The following OR14I1 variants were observed in gnomAD, a reference collection of about 807,000 sequenced individuals.
OR14I1 encodes the protein olfactory receptor family 14 subfamily I member 1, also known as olfactory receptor 14I1.
For missense variants in OR14I1, 279 were observed against 181.8 expected, an observed-to-expected ratio of 1.53 and a Z score of -3.07; for synonymous variants, 118 against 71.1, an observed-to-expected ratio of 1.66 and a Z score of -3.32.
chr1:248,694,872 T>C, the OR14I1 span, among the ~76,000 whole-genome samples: 7 of 152,258 alleles, frequency 4.6e-5, no homozygotes, highest in Non-Finnish European at 1.0e-4. Flanking sequence ...CATTCATCAT[T>C]ACCTTCTGCA....
the OR14I1 span, chr1:248,699,054 C>G: frequency 6.6e-6 from 1 of 152,190 alleles, no homozygotes; most frequent in East Asian, 1.9e-4. Context: ...CTTCATGGAG[C>G]TCTGGCAAGA....
At chr1:248,684,757 C>CATATATATATATATATATATATATAT (rs376621560), upstream of OR14I1, among the ~76,000 whole-genome samples, 286 of 144,926 alleles carry the variant, frequency 2.0e-3, 5 homozygotes, top group African/African-American at 7.3e-3. Context: ...CACACACATA[C>CATATATATATATATATATATATATAT]ATATATATAT....
At chr1:248,700,297 G>A in the OR14I1 span, among the ~76,000 whole-genome samples, 18 of 152,314 alleles carry the variant, frequency 1.2e-4, no homozygotes, top group East Asian at 3.1e-3. Flanking sequence ...TACCCAAAGT[G>A]AAAGACCTCC....
the OR14I1 span, among the ~76,000 whole-genome samples, chr1:248,702,704 T>C: frequency 6.6e-6 from 1 of 151,472 alleles, no homozygotes; most frequent in Non-Finnish European, 1.5e-5. Flanking sequence ...GTCACCCACC[T>C]CACTCAGAGC....
the OR14I1 span, among the ~76,000 whole-genome samples, chr1:248,698,083 C>G: frequency 6.6e-6 from 1 of 152,180 alleles, no homozygotes; most frequent in East Asian, 1.9e-4. Flanking sequence ...TCTTTACCTG[C>G]TCACTTCCTC....
At chr1:248,678,416 C>T (rs905496625), downstream of OR14I1, among the ~76,000 whole-genome samples, 1 of 152,142 alleles carries the variant, frequency 6.6e-6, no homozygotes, top group Admixed American at 6.5e-5. Context: ...AAATCATGTG[C>T]AATGTTTTCT....
At chr1:248,700,141 T>G in the OR14I1 span, among the ~76,000 whole-genome samples, 2 of 152,224 alleles carry the variant, frequency 1.3e-5, no homozygotes, top group East Asian at 3.8e-4. Context: ...GAAATTCAGA[T>G]TCAGCTGATT....
chr1:248,680,992 G>GTGTGTGTGTA, downstream of OR14I1, among the ~76,000 whole-genome samples: 1 of 151,346 alleles, frequency 6.6e-6, no homozygotes, highest in Non-Finnish European at 1.5e-5. Flanking sequence ...GTGTGTGTGT[G>GTGTGTGTGTA]TGTATGTGTG....
the OR14I1 span, among the ~76,000 whole-genome samples, chr1:248,687,794 T>TG: frequency 1.3e-5 from 2 of 152,218 alleles, no homozygotes; most frequent in Non-Finnish European, 2.9e-5. Context: ...TGTTTGAACA[T>TG]GGTGTTATTT....
downstream of OR14I1, among the ~76,000 whole-genome samples, chr1:248,679,410 A>G (rs1378977460): frequency 6.6e-6 from 1 of 151,580 alleles, no homozygotes; most frequent in East Asian, 1.9e-4. Context: ...ATATTGTAAT[A>G]TATATTAGTA....
At chr1:248,691,865 C>T in the OR14I1 span, 1 of 152,314 alleles carries the variant, frequency 6.6e-6, no homozygotes, top group South Asian at 2.1e-4. Flanking sequence ...CCCGCGGGCC[C>T]ACAGCGCGCT....
the OR14I1 span, chr1:248,692,242 C>G: frequency 6.5e-6 from 1 of 152,674 alleles, no homozygotes; most frequent in Non-Finnish European, 1.5e-5. Context: ...TTGGGGTCCT[C>G]CCGCATTTCC....
the OR14I1 span, among the ~76,000 whole-genome samples, chr1:248,702,154 T>C: frequency 1.3e-5 from 2 of 152,124 alleles, no homozygotes; most frequent in South Asian, 2.1e-4. Flanking sequence ...CCTCCTCACA[T>C]TGAAAAATAC....
chr1:248,696,786 T>G, the OR14I1 span, among the ~76,000 whole-genome samples: 2 of 152,222 alleles, frequency 1.3e-5, no homozygotes, highest in Admixed American at 6.5e-5. Context: ...CATATCATAT[T>G]TTTTTCTTCT....
chr1:248,700,747 G>A, the OR14I1 span, among the ~76,000 whole-genome samples: 1 of 152,124 alleles, frequency 6.6e-6, no homozygotes, highest in Non-Finnish European at 1.5e-5. Context: ...AAAGTGTCAT[G>A]GATAGAGTTT....
At chr1:248,700,661 C>T in the OR14I1 span, among the ~76,000 whole-genome samples, 16 of 152,278 alleles carry the variant, frequency 1.1e-4, no homozygotes, top group East Asian at 3.1e-3. Context: ...AATTTTTAAA[C>T]AAGAGGCAAA....
chr1:248,679,489 A>G (rs1661524667), downstream of OR14I1, among the ~76,000 whole-genome samples: 1 of 152,050 alleles, frequency 6.6e-6, no homozygotes, highest in Non-Finnish European at 1.5e-5. Flanking sequence ...ATACTACTTA[A>G]TATTAAAAGG....
the OR14I1 span, among the ~76,000 whole-genome samples, chr1:248,695,273 G>A: frequency 3.1e-5 from 4 of 130,576 alleles, no homozygotes; most frequent in African/African-American, 1.2e-4. Flanking sequence ...TCGCTCTGTC[G>A]CCCGGGCTGG....
chr1:248,695,648 G>A, the OR14I1 span, among the ~76,000 whole-genome samples: 7 of 152,106 alleles, frequency 4.6e-5, no homozygotes, highest in Non-Finnish European at 7.4e-5. Flanking sequence ...GGAGAGGCAT[G>A]TGGGCGTCTC....
Sources: gnomAD v4.1 joint callset for allele counts (sites outside exome capture counted in the v4.1 genomes callset) on GRCh38, gnomAD v4.1.1 for gene constraint, MANE v1.5 for transcripts, NCBI Gene and HGNC (gene_info 2026-07-23, HGNC 2026-07-21) for gene names.